Variants in DOT1L observed in about 807,000 individuals in gnomAD.
DOT1L encodes DOT1 like histone lysine methyltransferase, also known as histone-lysine N-methyltransferase, H3 lysine-79 specific.
Under a neutral mutation model 153.3 loss-of-function variants are expected in DOT1L, and 33 were observed. The ratio of observed to expected loss-of-function variants is 0.22; its 90% CI spans 0.16 to 0.29. The LOEUF is 0.29. Among genes scored for constraint, DOT1L ranks in the 10% least tolerant of loss-of-function variants. DOT1L has a pLI of 1.00. For synonymous variants in DOT1L, 1,135 were observed against 965.1 expected, an observed-to-expected ratio of 1.18 and a Z score of -3.26; for missense variants, 1,847 against 2,119.9, an observed-to-expected ratio of 0.87 and a Z score of 2.53.
In DOT1L at chr19:2,227,018, C is replaced by T. The variant is rs370187220; in HGVS notation, c.4497C>T (p.Ser1499=). ...AGSSVLQSLF[S]SVPAAAGLVH... is the part of the protein sequence containing the mutation. ...CCTCCGTGCTGCAGTCGCTGTTCAG[C>T]TCTGTGCCGGCCGCCGCAGGCCTGG... is the stretch of plus-strand genomic sequence containing the variant. The change falls in exon 27 of 28, where the codon AGC becomes AGT. Residue 1499 remains serine (S), a synonymous_variant. Coordinates refer to ENST00000398665, the MANE Select transcript of DOT1L (RefSeq NM_032482.3). 1.1e-5 allele frequency: 18 copies of T among 1,589,082 alleles called. No homozygotes were observed. Among genetic ancestry groups the T allele is most frequent in the Middle Eastern group, 1.7e-4 (1 of 5,932 alleles).
At position 2,230,370 on chromosome 19, in the gene DOT1L, G is replaced by A. The variant is rs2024546729; in HGVS notation, c.*578G>A. The A allele has an allele frequency of 1.5e-5, 6 of 409,778 alleles. No individual in the cohort carries two copies. Among genetic ancestry groups the A allele is most frequent in the Non-Finnish European group, 2.6e-5 (6 of 233,416 alleles). 25.4% of individuals were successfully genotyped at this position (409,778 alleles called of 1,614,324 possible). On this transcript the variant is annotated 3_prime_UTR_variant, in exon 28 of 28. Coordinates refer to ENST00000398665, the MANE Select transcript of DOT1L (RefSeq NM_032482.3). ...CTGAGCGCCCTGGCGCCTGCCCTGA[G>A]CTCTTCACCTTTACCCCGGCACTGT...
At chr19:2,221,249 CT>C in intron 23 of DOT1L, 1 of 153,180 alleles carries the variant, frequency 6.5e-6, no homozygotes, top group East Asian at 1.9e-4. Flanking sequence ...TCTAGGGAGG[CT>C]GGGCAGGCTT....
chr19:2,200,917 C>T (rs1387300876), intron 8 of DOT1L, among the ~76,000 whole-genome samples: 1 of 146,378 alleles, frequency 6.8e-6, no homozygotes, highest in African/African-American at 2.6e-5. Context: ...ATTCCTCGTC[C>T]TCCCCGTATT....
chr19:2,195,492 G>T (rs1008362145), intron 7 of DOT1L, among the ~76,000 whole-genome samples: 1 of 152,160 alleles, frequency 6.6e-6, no homozygotes, highest in African/African-American at 2.4e-5. Context: ...TGGTGCTGGT[G>T]CAGCTGCTCC....
In DOT1L at chr19:2,226,787, TG is replaced by T; in HGVS notation, c.4268del (p.Gly1423AlafsTer95). On this transcript the variant is annotated frameshift_variant, in exon 27 of 28. Coordinates refer to ENST00000398665, the MANE Select transcript of DOT1L (RefSeq NM_032482.3). LOFTEE classifies it high-confidence loss of function. ...ARDREVDLKN[G>X]HNLFISAAAV... ...GGGACCGCGAGGTCGACCTCAAGAA[TG>T]GCCACAACCTCTTCATCTCTGCGGC... 1 of 1,577,494 alleles carries T rather than the reference TG, an allele frequency of 6.3e-7. No individual in the cohort carries two copies. Among genetic ancestry groups the T allele is most frequent in the Non-Finnish European group, 8.6e-7 (1 of 1,168,012 alleles).
At chr19:2,224,803 C>T (rs112831823) in intron 25 of DOT1L, among the ~76,000 whole-genome samples, 2,158 of 152,312 alleles carry the variant, frequency 0.014, 47 homozygotes, top group African/African-American at 0.049. Context: ...TCCTTGCCCA[C>T]GTGTGCGTGC....
At chr19:2,228,747 G>C (rs1449598812) in intron 27 of DOT1L, 3 of 985,316 alleles carry the variant, frequency 3.0e-6, no homozygotes, top group Non-Finnish European at 3.6e-6. Flanking sequence ...ATCCGCACCA[G>C]GCCCAGGTCA....
intron 2 of DOT1L, 103 bp from the exon 3 acceptor site, chr19:2,185,752 G>C (rs2022470921): frequency 8.0e-7 from 1 of 1,248,938 alleles, no homozygotes; most frequent in African/African-American, 1.5e-5. Flanking sequence ...CTGGGCAACA[G>C]AGTGAGACTC....
In DOT1L at chr19:2,231,646, C is replaced by G. The variant is rs2024602727; in HGVS notation, c.*1854C>G. ...AGGTGCTGTGCCTCTGCCTGAGCCCCAAGCCCCGAGCCTGGCCTTCAGGAC... is the reference window on the plus strand; with the variant it reads ...AGGTGCTGTGCCTCTGCCTGAGCCCGAAGCCCCGAGCCTGGCCTTCAGGAC... On this transcript the variant is annotated 3_prime_UTR_variant, in exon 28 of 28. Transcript: ENST00000398665. 1 of 214,186 alleles carries G rather than the reference C, an allele frequency of 4.7e-6. No individual in the cohort carries two copies. The highest frequency in any genetic ancestry group is 1.9e-4 in the South Asian group (1 of 5,390). The allele number at this position is 214,186 out of a possible 1,614,324, so 13.3% of individuals were successfully genotyped here. A position where few individuals can be genotyped will look rare whatever the true frequency, so the allele number is the denominator to read the frequency against.
intron 2 of DOT1L, 65 bp from the exon 3 acceptor site, chr19:2,185,790 A>C (rs1487351655): frequency 2.6e-6 from 4 of 1,562,652 alleles, no homozygotes; most frequent in Non-Finnish European, 3.5e-6. Flanking sequence ...AAAAACAAAA[A>C]CAAAACACAA....
intron 1 of DOT1L, among the ~76,000 whole-genome samples, chr19:2,174,268 C>T (rs990414414): frequency 6.6e-6 from 1 of 152,228 alleles, no homozygotes; most frequent in African/African-American, 2.4e-5. Context: ...TGCCCTTGAT[C>T]CTACAGACAG....
intron 1 of DOT1L, among the ~76,000 whole-genome samples, chr19:2,173,320 A>G (rs908221047): frequency 3.9e-5 from 6 of 151,968 alleles, no homozygotes; most frequent in African/African-American, 1.5e-4. Context: ...GGGCGAGGAG[A>G]GTTCTGGTCA....
chr19:2,180,938 C>T (rs2022201959), intron 2 of DOT1L, among the ~76,000 whole-genome samples, 182 bp downstream of exon 2: 1 of 152,170 alleles, frequency 6.6e-6, no homozygotes, highest in Non-Finnish European at 1.5e-5. Context: ...CCATTCCTGG[C>T]CAGTGGGTGC....
chr19:2,224,625 G>T (rs60422777), intron 25 of DOT1L, among the ~76,000 whole-genome samples: 2 of 151,902 alleles, frequency 1.3e-5, no homozygotes, highest in South Asian at 2.1e-4. Flanking sequence ...CGCTACCACC[G>T]TGCCTCGTTC....
chr19:2,193,240 C>T lies in DOT1L; in HGVS notation c.494-449C>T, dbSNP rs564777236. Among the ~76,000 whole-genome samples the T allele has an allele frequency of 8.2e-4, 125 of 152,348 alleles. No individual in the cohort carries two copies. The highest frequency in any genetic ancestry group is 2.0e-3 in the Admixed American group (30 of 15,312). ...GCCTCTCCCACCCTACATTGAGCCT[C>T]AGTCAGATCCTGCTCATGAGCCTTC... On this transcript the variant is annotated intron_variant, in intron 5 of 27. Coordinates refer to ENST00000398665, the MANE Select transcript of DOT1L (RefSeq NM_032482.3). The surrounding 1 kb of genome is among the most constrained non-coding windows in gnomAD (Gnocchi z 5.9).
In DOT1L at chr19:2,222,363, G is replaced by A. The variant is rs749382216; in HGVS notation, c.3194G>A (p.Ser1065Asn). 4 of 1,612,208 alleles carry A rather than the reference G, an allele frequency of 2.5e-6. No individual in the cohort carries two copies. In the South Asian group the frequency reaches 3.3e-5, roughly 13 times the overall value. ...AAGCAGTCGCCCTCCAGCAAGCACA[G>A]CCCCCTGACCGCCAGCGCCCGTGGG... ...SAKQSPSSKH[S>N]PLTASARGDC... The change falls in exon 24 of 28, where the codon AGC (serine) becomes AAC (asparagine). Residue 1065 changes from serine (S) to asparagine (N), a missense_variant. Ser to Asn is a conservative substitution (Grantham distance 46). Around this residue, in one of 8 missense-constraint regions of DOT1L, gnomAD observed 934 missense variants for 825.3 expected, o/e 1.13. Coordinates refer to ENST00000398665, the MANE Select transcript of DOT1L (RefSeq NM_032482.3). This position sits in a 1 kb window ranked among gnomAD's most constrained non-coding sequence, Gnocchi z 6.5.
chr19:2,165,446 G>T (rs1435481127), intron 1 of DOT1L, among the ~76,000 whole-genome samples: 1 of 152,210 alleles, frequency 6.6e-6, no homozygotes, highest in Non-Finnish European at 1.5e-5. Context: ...CCCGCGCGCG[G>T]GGCTGGCGGG....
intron 7 of DOT1L, among the ~76,000 whole-genome samples, chr19:2,199,156 G>T (rs2023142301): frequency 6.6e-6 from 1 of 152,246 alleles, no homozygotes; most frequent in Non-Finnish European, 1.5e-5. Flanking sequence ...GTTAATAAGA[G>T]GTGTTTTCTC....
chr19:2,216,875 G>GT, intron 20 of DOT1L, 80 bp from the exon 21 acceptor site: 1 of 1,562,488 alleles, frequency 6.4e-7, no homozygotes, highest in South Asian at 1.2e-5. Flanking sequence ...GGAGACTGAG[G>GT]TGGGGAGGTG....
Sources: gnomAD v4.1 joint callset for allele counts (sites outside exome capture counted in the v4.1 genomes callset) on GRCh38, gnomAD v4.1.1 for gene constraint, gnomAD v4.1.1 regional missense constraint, Gnocchi (gnomAD v3.1) non-coding constraint, MANE v1.5 for transcripts, NCBI Gene and HGNC (gene_info 2026-07-23, HGNC 2026-07-21) for gene names.